The following JHY variants were observed in gnomAD, a reference collection of about 807,000 sequenced individuals.
JHY encodes the protein jhy protein homolog.
A neutral mutation model predicts 78.0 loss-of-function variants in JHY; 69 were observed. That is an observed-to-expected ratio of 0.88 (90% CI 0.73 to 1.08). JHY has a LOEUF of 1.08. Ranked by LOEUF, JHY falls within the 50% of genes least tolerant of loss-of-function variation. The pLI is 0.00. For synonymous variants in JHY, 368 were observed against 342.6 expected (o/e 1.07, Z -0.82); for missense variants, 944 against 927.8 (o/e 1.02, Z -0.23).
intron 6 of JHY, among the ~76,000 whole-genome samples, chr11:122,951,400 T>C (rs1361706242): frequency 6.6e-6 from 1 of 152,262 alleles, no homozygotes; most frequent in East Asian, 1.9e-4. Context: ...ATGTGTTTGT[T>C]GTCACAGACA....
chr11:122,903,051 A>G (rs1246076820), intron 2 of JHY, among the ~76,000 whole-genome samples: 1 of 152,266 alleles, frequency 6.6e-6, no homozygotes, highest in Non-Finnish European at 1.5e-5. Flanking sequence ...CACCACAAAC[A>G]TATGAGCAAC....
rs995044286 is a variant in JHY at position 122,961,793 on chromosome 11, A to G, written c.*2348A>G. 2.6e-5 allele frequency among the ~76,000 whole-genome samples: 4 copies of G among 152,250 alleles called. No homozygotes were observed. Among genetic ancestry groups the G allele is most frequent in the African/African-American group, 9.6e-5 (4 of 41,468 alleles). ...ACAATTGAATGAAACACAAATAAAT[A>G]AAGAATAAAGTTGAAAAAAAATGAA... On this transcript the variant is annotated 3_prime_UTR_variant, in exon 9 of 9. Transcript: ENST00000227349.
chr11:122,894,207 T>C lies in JHY; in HGVS notation c.344+8014T>C, dbSNP rs186475825. 2.1e-3 allele frequency among the ~76,000 whole-genome samples: 313 copies of C among 151,988 alleles called. 4 individuals carry two copies. The highest frequency in any genetic ancestry group is 6.8e-3 in the Middle Eastern group (2 of 294). On this transcript the variant is annotated intron_variant, in intron 2 of 8. Transcript: ENST00000227349. Reference sequence around the variant, plus strand: ...CCATAATCCCAGCTATTCAGGAGGCTTAGGCATGGGAATCGCTTGAACCCA... The same window carrying C: ...CCATAATCCCAGCTATTCAGGAGGCCTAGGCATGGGAATCGCTTGAACCCA...
At chr11:122,890,248 A>C (rs1565304900) in intron 2 of JHY, among the ~76,000 whole-genome samples, 1 of 152,118 alleles carries the variant, frequency 6.6e-6, no homozygotes, top group Non-Finnish European at 1.5e-5. Context: ...AACACTTTAC[A>C]TGTATTATCT....
In JHY at chr11:122,934,530, G is replaced by A. The variant is rs746310997; in HGVS notation, c.1089G>A (p.Lys363=). The A allele has an allele frequency of 4.5e-5, 72 of 1,613,934 alleles. No homozygotes were observed. In the South Asian group the frequency reaches 7.0e-4, roughly 16 times the overall value. Reference sequence around the variant, plus strand: ...ATCAACCTTCCAGAAGACCAGCCAAGCTCAAGATTCGAAAGCAGTGTAAAC... The same window carrying A: ...ATCAACCTTCCAGAAGACCAGCCAAACTCAAGATTCGAAAGCAGTGTAAAC... ...NDHQPSRRPA[K]LKIRKQCKHQ... The change falls in exon 5 of 9, where the codon AAG becomes AAA. Residue 363 remains lysine, a synonymous_variant. Coordinates refer to ENST00000227349, the MANE Select transcript of JHY (RefSeq NM_024806.4).
In JHY at chr11:122,957,393, G is replaced by T; in HGVS notation, c.2041G>T (p.Ala681Ser). The T allele has an allele frequency of 6.5e-7, 1 of 1,533,734 alleles. No individual in the cohort carries two copies. Among genetic ancestry groups the T allele is most frequent in the African/African-American group, 1.4e-5 (1 of 69,008 alleles). The stretch of plus-strand genomic sequence containing the variant: ...AAAATTAATACAGCAAAAGGAATAT[G>T]CAAAACAAGTCAAGGAGTACAACAT... ...TQKLIQQKEY[A>S]KQVKEYNMKT... The change falls in exon 8 of 9, where the codon GCA (alanine) becomes TCA (serine). Residue 681 changes from alanine (A) to serine (S), a missense_variant. By Grantham distance (99) the Ala-to-Ser change is moderately conservative. Transcript: ENST00000227349.
intron 2 of JHY, among the ~76,000 whole-genome samples, chr11:122,886,936 C>A (rs575046685): frequency 6.6e-6 from 1 of 152,156 alleles, no homozygotes; most frequent in South Asian, 2.1e-4. Context: ...AATCTAATAA[C>A]CAGAATTTAA....
chr11:122,903,784 G>C, intron 2 of JHY, 141 bp from the exon 3 acceptor site: 1 of 1,200,814 alleles, frequency 8.3e-7, no homozygotes, highest in Non-Finnish European at 1.2e-6. Context: ...ACGCTGCTGG[G>C]ATTTGTGTTT....
Position 122,946,614 on chromosome 11 carries a change from G to A in JHY, c.1751G>A (p.Ser584Asn). 3 of 1,614,116 alleles carry A rather than the reference G, an allele frequency of 1.9e-6. No homozygotes were observed. The highest frequency in any genetic ancestry group is 2.5e-6 in the Non-Finnish European group (3 of 1,180,020). ...GTGCAGCTGACCGACGTGCAGCCCAGTGAAGGGGCCTTATCCAGCGTCACG... is the reference window on the plus strand; with the variant it reads ...GTGCAGCTGACCGACGTGCAGCCCAATGAAGGGGCCTTATCCAGCGTCACG... ...ALVQLTDVQPSEGALSSVTLP... is the reference protein window; with the variant it reads ...ALVQLTDVQPNEGALSSVTLP... Residue 584 changes from serine (S) to asparagine (N), a missense_variant, in exon 6 of 9, where the codon AGT becomes AAT. By Grantham distance (46) the Ser-to-Asn change is conservative. Coordinates refer to ENST00000227349, the MANE Select transcript of JHY (RefSeq NM_024806.4).
intron 1 of JHY, among the ~76,000 whole-genome samples, chr11:122,884,025 G>C (rs949849840): frequency 1.3e-5 from 2 of 152,142 alleles, no homozygotes; most frequent in Admixed American, 6.6e-5. Flanking sequence ...TGATAGATTT[G>C]CTGCTTTCTT....
At chr11:122,923,295 C>T (rs1346092729) in intron 3 of JHY, among the ~76,000 whole-genome samples, 1 of 152,202 alleles carries the variant, frequency 6.6e-6, no homozygotes, top group Non-Finnish European at 1.5e-5. Flanking sequence ...ATATGTTTAT[C>T]ATGCATGAAA....
At chr11:122,950,477 C>T (rs1346033047) in intron 6 of JHY, among the ~76,000 whole-genome samples, 1 of 152,182 alleles carries the variant, frequency 6.6e-6, no homozygotes, top group Non-Finnish European at 1.5e-5. Context: ...GCTCAATTCT[C>T]ACTCGGCAAG....
intron 3 of JHY, among the ~76,000 whole-genome samples, chr11:122,906,064 T>C (rs1862985072): frequency 1.3e-5 from 2 of 152,120 alleles, no homozygotes; most frequent in African/African-American, 4.8e-5. Context: ...ATTCAAGCAG[T>C]TTTTAGTATT....
At chr11:122,904,984 G>A (rs891761011) in intron 3 of JHY, among the ~76,000 whole-genome samples, 5 of 151,908 alleles carry the variant, frequency 3.3e-5, no homozygotes, top group Admixed American at 2.6e-4. Context: ...TACATATTGG[G>A]CGGTCGGGGA....
intron 2 of JHY, among the ~76,000 whole-genome samples, chr11:122,894,673 C>T (rs1021531971): frequency 6.6e-6 from 1 of 152,044 alleles, no homozygotes; most frequent in Non-Finnish European, 1.5e-5. Context: ...TCATTTAACT[C>T]ACAGATTGTT....
At chr11:122,923,939 A>G (rs776737104) in intron 3 of JHY, among the ~76,000 whole-genome samples, 22 of 123,694 alleles carry the variant, frequency 1.8e-4, no homozygotes, top group Middle Eastern at 7.8e-3. Context: ...GGGTTTCGCC[A>G]TCTTGGCCAG....
chr11:122,943,376 G>A (rs997613669), intron 5 of JHY, among the ~76,000 whole-genome samples: 4 of 152,158 alleles, frequency 2.6e-5, no homozygotes, highest in South Asian at 2.1e-4. Context: ...TTGGCCTAAC[G>A]TTTTGGTCAA....
At chr11:122,890,599 GT>G (rs1862592882) in intron 2 of JHY, among the ~76,000 whole-genome samples, 2 of 152,080 alleles carry the variant, frequency 1.3e-5, no homozygotes, top group Non-Finnish European at 2.9e-5. Context: ...CAGTTGTTGG[GT>G]TTTTTTCTCC....
At chr11:122,929,013 C>T (rs746408393) in intron 4 of JHY, among the ~76,000 whole-genome samples, 3 of 151,782 alleles carry the variant, frequency 2.0e-5, no homozygotes, top group Non-Finnish European at 2.9e-5. Context: ...GGCACAATCT[C>T]GGCTTACCAC....
Sources: allele counts gnomAD v4.1 joint callset (sites outside exome capture counted in the v4.1 genomes callset), GRCh38; gene constraint gnomAD v4.1.1; transcripts MANE v1.5; gene names NCBI Gene and HGNC (gene_info 2026-07-23, HGNC 2026-07-21).